The following NLRP7 variants were observed in gnomAD, a reference collection of about 807,000 sequenced individuals.
NLRP7 encodes NACHT, LRR and PYD domains-containing protein 7.
A neutral mutation model predicts 85.5 loss-of-function variants in NLRP7; 72 were observed. The ratio of observed to expected loss-of-function variants is 0.84; its 90% CI spans 0.70 to 1.02. The LOEUF (loss-of-function observed/expected upper bound fraction) is 1.02, where lower values mean the gene tolerates loss of function less well. Among genes scored for constraint, NLRP7 ranks in the 50% least tolerant of loss-of-function variants. The pLI is 0.00. For missense variants in NLRP7, 1,243 were observed against 1,219.5 expected (o/e 1.02, Z -0.29); for synonymous variants, 550 against 505.2 (o/e 1.09, Z -1.19).
chr19:54,947,708 A>G, upstream of NLRP7: 1 of 1,197,086 alleles, frequency 8.4e-7, no homozygotes, highest in South Asian at 1.3e-5. Context: ...GGCTTTGGAG[A>G]ATTACGGCTT....
chr19:54,940,094 A>G, exon 4 of NLRP7: 11 of 1,614,206 alleles, frequency 6.8e-6, no homozygotes, highest in Non-Finnish European at 9.3e-6. Context: ...TGCTTGGGCT[A>G]GGATGCTTGG....
intron 6 of NLRP7, among the ~76,000 whole-genome samples, chr19:54,935,154 T>C (rs775875): frequency 6.6e-6 from 1 of 151,844 alleles, no homozygotes; most frequent in Admixed American, 6.6e-5. Flanking sequence ...ATCCAGCCAC[T>C]TCTCCAAGAG....
exon 5 of NLRP7, chr19:54,938,169 G>C: frequency 6.2e-7 from 1 of 1,614,050 alleles, no homozygotes; most frequent in South Asian, 1.1e-5. Flanking sequence ...TGAAGAGAGA[G>C]CAGAAATCTG....
At chr19:54,945,148 C>A (rs1181560138) in intron 1 of NLRP7, among the ~76,000 whole-genome samples, 1 of 146,246 alleles carries the variant, frequency 6.8e-6, no homozygotes, top group South Asian at 2.2e-4. Context: ...GAGGCTGAGG[C>A]AGGAGAATGG....
At chr19:54,946,664 G>T (rs1343531892) in intron 1 of NLRP7, among the ~76,000 whole-genome samples, 2 of 147,040 alleles carry the variant, frequency 1.4e-5, no homozygotes, top group African/African-American at 2.5e-5. Context: ...TTTTGAGACG[G>T]AGTCGCACTC....
In NLRP7 at chr19:54,936,248, C is replaced by G. The variant is rs1265788774; in HGVS notation, c.2300+13G>C. 2 of 1,611,602 alleles carry G rather than the reference C, an allele frequency of 1.2e-6. No individual in the cohort carries two copies. Among genetic ancestry groups the G allele is most frequent in the Non-Finnish European group, 8.5e-7 (1 of 1,179,112 alleles). On this transcript the variant is annotated intron_variant, in intron 6 of 9. Transcript: ENST00000340844. ...CTCCAGGTGCTGGGGAGAGCCGTGA[C>G]CGTGAGACCCACCTCAGGTACTGCA...
At chr19:54,952,020 G>A (rs1358054459), upstream of NLRP7, among the ~76,000 whole-genome samples, 22 of 152,040 alleles carry the variant, frequency 1.4e-4, 1 homozygote, top group Admixed American at 1.3e-3. Context: ...CCAAAGTGCT[G>A]GGATTACAGG....
rs116445665 is a variant in NLRP7 at position 54,955,981 on chromosome 19, A to G, written c.-76-8476T>C. On this transcript the variant is annotated intron_variant, in intron 1 of 2. Coordinates refer to the NLRP7 transcript ENST00000587103. ...GACTGTGTCTCAAAAATAAATAAATAAATAAATAAATAGCCAACTGTGATC... is the reference window on the plus strand; with the variant it reads ...GACTGTGTCTCAAAAATAAATAAATGAATAAATAAATAGCCAACTGTGATC... 2.5e-3 allele frequency among the ~76,000 whole-genome samples: 379 copies of G among 151,900 alleles called. 2 individuals are homozygous for G. The highest frequency in any genetic ancestry group is 8.9e-3 in the African/African-American group (367 of 41,432).
At chr19:54,961,250 C>T (rs2070032280) in intron 1 of NLRP7, among the ~76,000 whole-genome samples, 1 of 151,860 alleles carries the variant, frequency 6.6e-6, no homozygotes, top group African/African-American at 2.4e-5. Context: ...GTGTCTCACG[C>T]CTGTAATTCC....
chr19:54,956,912 G>A (rs1021075449), intron 1 of NLRP7, among the ~76,000 whole-genome samples: 1 of 151,794 alleles, frequency 6.6e-6, no homozygotes, highest in African/African-American at 2.4e-5. Context: ...TTACAGGCGT[G>A]AACCCAGCAA....
In NLRP7 at chr19:54,924,923, C is replaced by A. The variant is rs142899190; in HGVS notation, c.2811-1051G>T. ...CTGTACTGCAGCCCGGGTGACAGAG[C>A]GAGACTCTGCCTCCAAATAAATAAA... On this transcript the variant is annotated intron_variant, in intron 9 of 9. Transcript: ENST00000340844. Among the ~76,000 whole-genome samples, 3 of 152,166 alleles carry A rather than the reference C, an allele frequency of 2.0e-5. No individual in the cohort carries two copies. The East Asian group carries it at 5.8e-4, about 29-fold the overall frequency.
chr19:54,931,659 GCCTGGGC>G (rs2068682118), intron 8 of NLRP7, among the ~76,000 whole-genome samples: 2 of 72,872 alleles, frequency 2.7e-5, no homozygotes, highest in South Asian at 8.3e-4. Flanking sequence ...TTGCACTCCA[GCCTGGGC>G]AAGAGCGAAA....
intron 5 of NLRP7, among the ~76,000 whole-genome samples, chr19:54,937,489 C>G (rs139808846): frequency 6.6e-6 from 1 of 151,638 alleles, no homozygotes; most frequent in Admixed American, 6.6e-5. Context: ...GTCAGGAGTT[C>G]GAGACAAGCC....
At chr19:54,936,320 C>G (rs752556910) in exon 6 of NLRP7, 1 of 1,614,066 alleles carries the variant, frequency 6.2e-7, no homozygotes, top group Non-Finnish European at 8.5e-7. Context: ...TCAGCATCAT[C>G]GTGCGTTCCC....
intron 1 of NLRP7, among the ~76,000 whole-genome samples, chr19:54,943,634 A>C (rs2069340550): frequency 1.3e-5 from 2 of 152,228 alleles, no homozygotes; most frequent in Admixed American, 1.3e-4. Context: ...GCAGCCTGGA[A>C]AATAAATAAC....
intron 1 of NLRP7, among the ~76,000 whole-genome samples, chr19:54,959,851 C>T (rs2069980015): frequency 6.6e-6 from 1 of 151,910 alleles, no homozygotes; most frequent in Non-Finnish European, 1.5e-5. Flanking sequence ...TTTAGGTCCG[C>T]TCCTGAGCTT....
At chr19:54,946,081 G>A (rs979501225) in intron 1 of NLRP7, among the ~76,000 whole-genome samples, 2 of 151,792 alleles carry the variant, frequency 1.3e-5, no homozygotes, top group South Asian at 4.2e-4. Context: ...GTGAGCCACC[G>A]CGCCCGGCCG....
At chr19:54,944,994 C>T (rs900427709) in intron 1 of NLRP7, among the ~76,000 whole-genome samples, 5 of 151,902 alleles carry the variant, frequency 3.3e-5, no homozygotes, top group Non-Finnish European at 7.4e-5. Flanking sequence ...AATCCCAGCA[C>T]TATGGGAGGC....
upstream of NLRP7, among the ~76,000 whole-genome samples, chr19:54,949,364 C>T: frequency 6.6e-6 from 1 of 151,374 alleles, no homozygotes; most frequent in East Asian, 1.9e-4. Context: ...CTGCCTGAGT[C>T]CAGGAGTTCA....
Sources: allele counts gnomAD v4.1 joint callset (sites outside exome capture counted in the v4.1 genomes callset), GRCh38; gene constraint gnomAD v4.1.1; transcripts MANE v1.5; gene names NCBI Gene and HGNC (gene_info 2026-07-23, HGNC 2026-07-21).